The following JAK1 variants were observed in gnomAD, a reference collection of about 807,000 sequenced individuals.
JAK1 encodes the protein Janus kinase 1, also known as tyrosine-protein kinase JAK1.
A neutral mutation model predicts 136.6 loss-of-function variants in JAK1; 16 were observed. The ratio of observed to expected loss-of-function variants is 0.12; its 90% CI spans 0.08 to 0.18. JAK1 has a LOEUF of 0.18. Ranked by LOEUF, JAK1 falls within the 10% of genes least tolerant of loss-of-function variation. JAK1 has a pLI of 1.00. For synonymous variants in JAK1, 492 were observed against 519.5 expected, an observed-to-expected ratio of 0.95 and a Z score of 0.72; for missense variants, 859 against 1,450.1, an observed-to-expected ratio of 0.59 and a Z score of 6.62.
chr1:64,897,953 G>A (rs17127141), intron 1 of JAK1, among the ~76,000 whole-genome samples: 9,225 of 152,166 alleles, frequency 0.061, 564 homozygotes, highest in African/African-American at 0.16. Context: ...ACTGTACATT[G>A]AGAAAGGACA....
At chr1:64,837,888 A>G in intron 22 of JAK1, 44 bp downstream of exon 22, 1 of 1,543,162 alleles carries the variant, frequency 6.5e-7, no homozygotes, top group Non-Finnish European at 8.9e-7. Flanking sequence ...AACAGTGTAA[A>G]CTCTATGAAG....
At chr1:64,976,502 A>G (rs574545778) in intron 2 of JAK1, among the ~76,000 whole-genome samples, 1 of 152,248 alleles carries the variant, frequency 6.6e-6, no homozygotes, top group East Asian at 1.9e-4. Flanking sequence ...ACACACTTCC[A>G]ATTGGTCTCC....
chr1:64,886,178 C>T (rs1644849371), intron 2 of JAK1, 81 bp downstream of exon 2: 7 of 904,964 alleles, frequency 7.7e-6, no homozygotes, highest in Non-Finnish European at 1.2e-5. Flanking sequence ...ACCAATAGCC[C>T]TACAGCCTCA....
At chr1:64,914,469 G>C (rs1243344036) in intron 1 of JAK1, among the ~76,000 whole-genome samples, 1 of 152,208 alleles carries the variant, frequency 6.6e-6, no homozygotes, top group Non-Finnish European at 1.5e-5. Flanking sequence ...AAACAGCTGA[G>C]GAGAAAAGAA....
At position 64,940,729 on chromosome 1, in the gene JAK1, T is replaced by C. The variant is rs946134232; in HGVS notation, c.-78+25604A>G. Among the ~76,000 whole-genome samples, 79 of 152,216 alleles carry C rather than the reference T, an allele frequency of 5.2e-4. 2 individuals carry two copies. The highest frequency in any genetic ancestry group is 1.6e-4 in the Non-Finnish European group (11 of 68,046). ...ACCCAGGTCTTTCTACTCCAATTTATGCTATGCTCCATAAACACAGTGCTC... is the reference window on the plus strand; with the variant it reads ...ACCCAGGTCTTTCTACTCCAATTTACGCTATGCTCCATAAACACAGTGCTC... On this transcript the variant is annotated intron_variant, in intron 1 of 24. Transcript: ENST00000342505.
chr1:65,039,847 T>C lies in JAK1; in HGVS notation c.-78+4633A>G, dbSNP rs1647113853. Among the ~76,000 whole-genome samples the C allele has an allele frequency of 2.0e-5, 3 of 152,170 alleles. No homozygotes were observed. In the South Asian group the frequency reaches 6.2e-4, roughly 32 times the overall value. On this transcript the variant is annotated intron_variant, in intron 2 of 25. Coordinates refer to the JAK1 transcript ENST00000671954. ...CCCTAGGCTTAGCCTCTGTATTAGT[T>C]TCCAATAGCTGCTGTAAGAAACTAC...
At chr1:64,874,800 T>A (rs774567078) in intron 4 of JAK1, among the ~76,000 whole-genome samples, 1 of 152,156 alleles carries the variant, frequency 6.6e-6, no homozygotes, top group African/African-American at 2.4e-5. Context: ...CTTCAACAAC[T>A]GTCACTGTGC....
chr1:64,881,117 C>A (rs768229123), intron 3 of JAK1, among the ~76,000 whole-genome samples: 49 of 151,640 alleles, frequency 3.2e-4, no homozygotes, highest in Non-Finnish European at 1.8e-4. Flanking sequence ...TAAAAATGAG[C>A]CAGGCATGGT....
At chr1:65,016,167 C>T (rs759956940) in intron 2 of JAK1, among the ~76,000 whole-genome samples, 3 of 152,088 alleles carry the variant, frequency 2.0e-5, no homozygotes, top group African/African-American at 4.8e-5. Context: ...GTAAACTAGA[C>T]GCAAGTTTGT....
intron 1 of JAK1, among the ~76,000 whole-genome samples, chr1:64,928,798 A>AAAAAAAAAAAAC (rs1645636342): frequency 5.6e-4 from 50 of 89,998 alleles, no homozygotes; most frequent in African/African-American, 2.8e-3. Flanking sequence ...AAAAAAAAAC[A>AAAAAAAAAAAAC]AAAAAAAAAA....
At chr1:64,923,801 G>A (rs1036497757) in intron 1 of JAK1, among the ~76,000 whole-genome samples, 1 of 152,110 alleles carries the variant, frequency 6.6e-6, no homozygotes, top group African/African-American at 2.4e-5. Context: ...TGGTTCCAGT[G>A]CATCAGACCA....
chr1:65,020,903 A>G (rs1646932129), intron 2 of JAK1, among the ~76,000 whole-genome samples: 1 of 152,164 alleles, frequency 6.6e-6, no homozygotes, highest in Non-Finnish European at 1.5e-5. Context: ...CAGGGAAAGA[A>G]AGCCTTTATT....
At chr1:64,957,966 CAA>C (rs1646221245) in intron 1 of JAK1, among the ~76,000 whole-genome samples, 1 of 151,556 alleles carries the variant, frequency 6.6e-6, no homozygotes, top group Non-Finnish European at 1.5e-5. Context: ...AAGTGTACTG[CAA>C]AGACTCCCTT....
At chr1:65,001,911 G>A (rs1034467607) in intron 2 of JAK1, among the ~76,000 whole-genome samples, 1 of 151,932 alleles carries the variant, frequency 6.6e-6, no homozygotes, top group Non-Finnish European at 1.5e-5. Flanking sequence ...GAATGACTGC[G>A]CAGGTCTCCT....
intron 2 of JAK1, among the ~76,000 whole-genome samples, chr1:64,998,329 C>G (rs1646722037): frequency 6.6e-6 from 1 of 152,206 alleles, no homozygotes; most frequent in Non-Finnish European, 1.5e-5. Context: ...TACATGGTCA[C>G]AGCAGGCATT....
In JAK1 at chr1:64,834,049, G is replaced by C. The variant is rs1301813289; in HGVS notation, c.*513C>G. ...TGTACAGAAACAATATATACTACCT[G>C]GTATCTAATATTTTAAGAATGCATG... On this transcript the variant is annotated 3_prime_UTR_variant, in exon 25 of 25. Coordinates refer to ENST00000342505, the MANE Select transcript of JAK1 (RefSeq NM_002227.4). The C allele has an allele frequency of 4.3e-6, 1 of 232,692 alleles. No individual in the cohort carries two copies. Among genetic ancestry groups the C allele is most frequent in the Non-Finnish European group, 8.5e-6 (1 of 117,894 alleles). 14.4% of individuals were successfully genotyped at this position (232,692 alleles called of 1,614,324 possible). A position where few individuals can be genotyped will look rare whatever the true frequency, so the allele number is the denominator to read the frequency against.
At chr1:64,918,087 T>C (rs796218353) in intron 1 of JAK1, among the ~76,000 whole-genome samples, 10 of 152,286 alleles carry the variant, frequency 6.6e-5, no homozygotes, top group African/African-American at 2.4e-4. Context: ...ACATATACAC[T>C]GGTAGAAAGG....
At chr1:64,959,164 A>C (rs1646240651) in intron 1 of JAK1, among the ~76,000 whole-genome samples, 1 of 152,244 alleles carries the variant, frequency 6.6e-6, no homozygotes, top group Non-Finnish European at 1.5e-5. Flanking sequence ...TTTTCCAATC[A>C]CGTGGCAACA....
intron 2 of JAK1, among the ~76,000 whole-genome samples, chr1:65,037,848 AGAGT>A (rs1056904692): frequency 6.6e-6 from 1 of 152,228 alleles, no homozygotes; most frequent in African/African-American, 2.4e-5. Flanking sequence ...CCTGGGCAAC[AGAGT>A]GAGACCTTGT....
Sources: allele counts gnomAD v4.1 joint callset (sites outside exome capture counted in the v4.1 genomes callset), GRCh38; gene constraint gnomAD v4.1.1; transcripts MANE v1.5; gene names NCBI Gene and HGNC (gene_info 2026-07-23, HGNC 2026-07-21).